The following SLC7A2 variants were observed in gnomAD, a reference collection of about 807,000 sequenced individuals.
SLC7A2 encodes the protein solute carrier family 7 member 2.
In SLC7A2, 48 loss-of-function variants were observed where a neutral mutation model predicts 58.9. The ratio of observed to expected loss-of-function variants is 0.82; its 90% CI spans 0.65 to 1.04. SLC7A2 has a LOEUF of 1.04. Ranked by LOEUF, SLC7A2 falls within the 50% of genes least tolerant of loss-of-function variation. SLC7A2 has a pLI of 0.00. For synonymous variants in SLC7A2, 363 were observed against 314.5 expected, an observed-to-expected ratio of 1.15 and a Z score of -1.63; for missense variants, 1,029 against 818.8, an observed-to-expected ratio of 1.26 and a Z score of -3.13.
intron 2 of SLC7A2, chr8:17,538,929 T>C (rs748276918): frequency 5.0e-6 from 8 of 1,611,614 alleles, no homozygotes; most frequent in Non-Finnish European, 6.8e-6. Flanking sequence ...TCCTGTAAGA[T>C]TTATTGTCAG....
In SLC7A2 at chr8:17,566,394, C is replaced by T. The variant is rs1239819045; in HGVS notation, c.*1248C>T. The T allele has an allele frequency of 6.6e-6, 1 of 152,138 alleles. No homozygotes were observed. Among genetic ancestry groups the T allele is most frequent in the African/African-American group, 2.4e-5 (1 of 41,438 alleles). 9.4% of individuals were successfully genotyped at this position (152,138 alleles called of 1,614,324 possible). Reference sequence around the variant, plus strand: ...AATGGCAAATGGCCCAATTTAAGGGCTTTGGATCTAATTTGCCTCTGATGT... The same window carrying T: ...AATGGCAAATGGCCCAATTTAAGGGTTTTGGATCTAATTTGCCTCTGATGT... On this transcript the variant is annotated 3_prime_UTR_variant, in exon 13 of 13. Transcript: ENST00000494857.
intron 5 of SLC7A2, 116 bp from the exon 6 acceptor site, chr8:17,550,185 C>G: frequency 1.1e-6 from 1 of 918,358 alleles, no homozygotes; most frequent in Non-Finnish European, 1.7e-6. Context: ...TTATGTATAT[C>G]ATCTTCAAAG....
At chr8:17,512,275 C>G (rs1051842045) in intron 2 of SLC7A2, among the ~76,000 whole-genome samples, 2 of 152,068 alleles carry the variant, frequency 1.3e-5, no homozygotes, top group Admixed American at 6.6e-5. Flanking sequence ...CTAGGCCAGG[C>G]ACAGCTCACC....
At chr8:17,508,566 A>C (rs1800468853) in intron 2 of SLC7A2, among the ~76,000 whole-genome samples, 1 of 152,104 alleles carries the variant, frequency 6.6e-6, no homozygotes. Context: ...TCTACTAAAA[A>C]TACAAAAATT....
chr8:17,558,202 G>C (rs1802798649), intron 8 of SLC7A2, 93 bp from the exon 9 acceptor site: 4 of 749,744 alleles, frequency 5.3e-6, no homozygotes, highest in Non-Finnish European at 9.6e-6. Context: ...CTAAAACGAA[G>C]TGGCAGTCAG....
rs139847175 is a variant in SLC7A2, at chr8:17,543,660, C to T, written c.321C>T (p.Val107=). ...CATATTTGTACACCTACGTGACTGTCGGAGAGCTGTGGGCCTTCATCACTG... is the reference window on the plus strand; with the variant it reads ...CATATTTGTACACCTACGTGACTGTTGGAGAGCTGTGGGCCTTCATCACTG... ...GSAYLYTYVT[V]GELWAFITGW... Residue 107 remains valine (V), a synonymous_variant, in exon 3 of 13, where the codon GTC becomes GTT. Coordinates refer to ENST00000494857, the MANE Select transcript of SLC7A2 (RefSeq NM_001370338.1). 656 of 1,539,750 alleles carry T rather than the reference C, an allele frequency of 4.3e-4. 3 individuals are homozygous for T. The highest frequency in any genetic ancestry group is 5.6e-4 in the East Asian group (25 of 44,286).
chr8:17,539,556 A>G (rs1801820911), intron 2 of SLC7A2, among the ~76,000 whole-genome samples: 1 of 152,192 alleles, frequency 6.6e-6, no homozygotes, highest in South Asian at 2.1e-4. Flanking sequence ...TGTTTCTGGT[A>G]TTGCCAGAAT....
At chr8:17,532,689 A>G (rs1415673570) in intron 2 of SLC7A2, among the ~76,000 whole-genome samples, 1 of 152,198 alleles carries the variant, frequency 6.6e-6, no homozygotes, top group Non-Finnish European at 1.5e-5. Flanking sequence ...TAAGTAGAAT[A>G]GAAATGTGAC....
upstream of SLC7A2, among the ~76,000 whole-genome samples, chr8:17,495,215 AC>A (rs2150624917): frequency 6.6e-6 from 1 of 151,706 alleles, no homozygotes; most frequent in African/African-American, 2.4e-5. Flanking sequence ...TGCCAGGGCA[AC>A]CGCCCTGAGC....
chr8:17,558,410 G>T lies in SLC7A2; in HGVS notation c.1298+13G>T, dbSNP rs764002513. On this transcript the variant is annotated intron_variant, in intron 9 of 12. Coordinates refer to ENST00000494857, the MANE Select transcript of SLC7A2 (RefSeq NM_001370338.1). ...TTCTCATCCTCAGGTGAGTCACCTG[G>T]TGGTTCTACAGGGTGTACCATGCAC... 6.4e-7 allele frequency: 1 copy of T among 1,553,430 alleles called. No individual in the cohort carries two copies. Among genetic ancestry groups the T allele is most frequent in the Non-Finnish European group, 8.9e-7 (1 of 1,125,808 alleles).
intron 2 of SLC7A2, among the ~76,000 whole-genome samples, chr8:17,514,800 G>C (rs976873125): frequency 6.6e-6 from 1 of 152,188 alleles, no homozygotes; most frequent in Admixed American, 6.5e-5. Context: ...CAGAATCATA[G>C]CAGTAATGAG....
At chr8:17,516,238 T>G (rs1194672754) in intron 2 of SLC7A2, among the ~76,000 whole-genome samples, 2 of 152,044 alleles carry the variant, frequency 1.3e-5, no homozygotes, top group Non-Finnish European at 2.9e-5. Flanking sequence ...AATTAATTTT[T>G]TTTTTGAGAT....
chr8:17,562,903 G>A lies in SLC7A2; in HGVS notation c.1672-700G>A, dbSNP rs368653057. 1.2e-3 allele frequency among the ~76,000 whole-genome samples: 183 copies of A among 152,284 alleles called. 4 individuals carry two copies. The South Asian group carries it at 0.035, about 29-fold the overall frequency. Reference sequence around the variant, plus strand: ...CACCTGTAATCCCAGCACTTTGAAAGGCCAAGGCAGGAGGATTGCTTGAGG... The same window carrying A: ...CACCTGTAATCCCAGCACTTTGAAAAGCCAAGGCAGGAGGATTGCTTGAGG... On this transcript the variant is annotated intron_variant, in intron 11 of 12. Transcript: ENST00000494857.
intron 2 of SLC7A2, among the ~76,000 whole-genome samples, chr8:17,509,031 T>C (rs1800488108): frequency 6.6e-6 from 1 of 152,146 alleles, no homozygotes; most frequent in Non-Finnish European, 1.5e-5. Flanking sequence ...AGGCGAATGA[T>C]ATTACTAAAG....
At chr8:17,561,257 A>G (rs891429265) in intron 10 of SLC7A2, among the ~76,000 whole-genome samples, 1 of 152,204 alleles carries the variant, frequency 6.6e-6, no homozygotes, top group African/African-American at 2.4e-5. Context: ...TTATAAAGAA[A>G]AAGGTTTAAT....
Position 17,550,333 on chromosome 8 carries a change from A to T in SLC7A2, c.731A>T (p.Tyr244Phe), listed in dbSNP as rs374729310. The T allele has an allele frequency of 1.6e-4, 251 of 1,613,946 alleles. No individual in the cohort carries two copies. The highest frequency in any genetic ancestry group is 1.9e-4 in the Non-Finnish European group (230 of 1,179,942). Residue 244 changes from tyrosine (Y) to phenylalanine (F), a missense_variant, in exon 6 of 13, where the codon TAT becomes TTT. By Grantham distance (22) the Tyr-to-Phe change is conservative. Coordinates refer to ENST00000494857, the MANE Select transcript of SLC7A2 (RefSeq NM_001370338.1). ...CCTTCTGAAAACGGAACAAGTATCT[A>T]TGGGGCTGGTGGCTTTATGCCTTAT... is the stretch of plus-strand genomic sequence containing the variant. ...EPPSENGTSI[Y>F]GAGGFMPYGF...
intron 1 of SLC7A2, among the ~76,000 whole-genome samples, chr8:17,497,840 G>A (rs1229971780): frequency 6.6e-6 from 1 of 152,156 alleles, no homozygotes; most frequent in African/African-American, 2.4e-5. Flanking sequence ...TTTAAAATCC[G>A]TTTGAGATGG....
chr8:17,554,955 C>T (rs753293712), intron 8 of SLC7A2: 4 of 1,613,858 alleles, frequency 2.5e-6, no homozygotes, highest in Admixed American at 3.3e-5. Context: ...GTCTTCTGGG[C>T]TCTATGTTTC....
At chr8:17,537,378 C>A (rs1261094689) in intron 2 of SLC7A2, among the ~76,000 whole-genome samples, 1 of 152,132 alleles carries the variant, frequency 6.6e-6, no homozygotes, top group Non-Finnish European at 1.5e-5. Context: ...TACTGCCAGC[C>A]TGTGGGTTTC....
Sources: gnomAD v4.1 joint callset for allele counts (sites outside exome capture counted in the v4.1 genomes callset) on GRCh38, gnomAD v4.1.1 for gene constraint, MANE v1.5 for transcripts, NCBI Gene and HGNC (gene_info 2026-07-23, HGNC 2026-07-21) for gene names.